The following RASSF8 variants were observed in gnomAD, a reference collection of about 807,000 sequenced individuals.
RASSF8 encodes the protein ras association domain-containing protein 8.
Under a neutral mutation model 48.5 loss-of-function variants are expected in RASSF8, and 22 were observed. That is an observed-to-expected ratio of 0.45 (90% CI 0.32 to 0.65). The LOEUF (loss-of-function observed/expected upper bound fraction) is 0.65. RASSF8 is among the 30% of genes least tolerant of loss of function. The pLI is 0.03. For missense variants in RASSF8, 418 were observed against 489.2 expected (o/e 0.85, Z 1.37); for synonymous variants, 127 against 171.5 (o/e 0.74, Z 2.03).
intron 2 of RASSF8, among the ~76,000 whole-genome samples, chr12:26,036,767 A>T (rs988708259): frequency 6.6e-6 from 1 of 152,020 alleles, no homozygotes; most frequent in Non-Finnish European, 1.5e-5. Flanking sequence ...AAATAAAAAA[A>T]TAAAAAATTA....
At chr12:26,008,497 C>A (rs1942446921) in intron 2 of RASSF8, among the ~76,000 whole-genome samples, 1 of 152,134 alleles carries the variant, frequency 6.6e-6, no homozygotes. Context: ...ATTTTTGGTA[C>A]AACAAATAAT....
At chr12:26,060,860 A>T (rs1423864330) in intron 3 of RASSF8, among the ~76,000 whole-genome samples, 1 of 152,228 alleles carries the variant, frequency 6.6e-6, no homozygotes, top group Non-Finnish European at 1.5e-5. Flanking sequence ...TATGTCCAGA[A>T]ACCTGAAGAT....
Position 26,072,665 on chromosome 12 carries a change from A to G in RASSF8, c.*3847A>G, listed in dbSNP as rs1019345763. ...CTGCAGCTTTAAACAGAAAATTGCC[A>G]TGTTCACTAATTGTGAGCACATAAA... On this transcript the variant is annotated 3_prime_UTR_variant, in exon 6 of 6. Coordinates refer to ENST00000689635, the MANE Select transcript of RASSF8 (RefSeq NM_001394098.1). 27 of 984,870 alleles carry G rather than the reference A, an allele frequency of 2.7e-5. No individual in the cohort carries two copies. The highest frequency in any genetic ancestry group is 3.5e-5 in the African/African-American group (2 of 57,214). 61.0% of individuals were successfully genotyped at this position (984,870 alleles called of 1,614,324 possible).
At chr12:26,011,241 A>G (rs1413685379) in intron 2 of RASSF8, among the ~76,000 whole-genome samples, 1 of 152,146 alleles carries the variant, frequency 6.6e-6, no homozygotes, top group Non-Finnish European at 1.5e-5. Flanking sequence ...CTGCCTAAGA[A>G]CTGAGTCAGT....
chr12:26,038,254 A>G (rs1465440489), intron 2 of RASSF8, among the ~76,000 whole-genome samples: 3 of 152,198 alleles, frequency 2.0e-5, no homozygotes, highest in Non-Finnish European at 4.4e-5. Context: ...CCCTTTGGAA[A>G]TAGAACTGAC....
intron 2 of RASSF8, among the ~76,000 whole-genome samples, chr12:26,036,494 C>A (rs2137134332): frequency 1.3e-5 from 2 of 152,112 alleles, no homozygotes; most frequent in South Asian, 4.1e-4. Context: ...GGAACAGTTT[C>A]ATTTTTTAAA....
intron 2 of RASSF8, among the ~76,000 whole-genome samples, chr12:26,040,059 C>G (rs1278165378): frequency 1.3e-5 from 2 of 152,148 alleles, no homozygotes; most frequent in East Asian, 3.8e-4. Flanking sequence ...ATTAATCTCT[C>G]AGCGCCATTT....
At chr12:26,004,666 T>G (rs1942343426) in intron 2 of RASSF8, among the ~76,000 whole-genome samples, 1 of 152,058 alleles carries the variant, frequency 6.6e-6, no homozygotes. Context: ...TACTATACAG[T>G]AAGTGGAAGT....
intron 2 of RASSF8, among the ~76,000 whole-genome samples, chr12:26,042,002 G>A (rs534362006): frequency 1.3e-5 from 2 of 152,332 alleles, no homozygotes; most frequent in East Asian, 3.8e-4. Flanking sequence ...AATTGCTGAT[G>A]ATTGTAAATG....
At chr12:26,034,205 A>G (rs1310631819) in intron 2 of RASSF8, among the ~76,000 whole-genome samples, 1 of 152,028 alleles carries the variant, frequency 6.6e-6, no homozygotes, top group African/African-American at 2.4e-5. Flanking sequence ...TAAGATAATC[A>G]CAGCATTAGC....
At chr12:26,059,592 CTCAT>C (rs1158621365) in intron 3 of RASSF8, among the ~76,000 whole-genome samples, 1 of 152,048 alleles carries the variant, frequency 6.6e-6, no homozygotes, top group African/African-American at 2.4e-5. Flanking sequence ...AGTTTTGAGT[CTCAT>C]TGTCTCATTT....
chr12:26,043,603 A>G (rs1266570693), intron 2 of RASSF8, among the ~76,000 whole-genome samples: 2 of 152,248 alleles, frequency 1.3e-5, no homozygotes, highest in Admixed American at 6.5e-5. Flanking sequence ...TGCAGCATGC[A>G]GCAGTTTTGT....
downstream of RASSF8, among the ~76,000 whole-genome samples, chr12:26,077,812 GT>G (rs2137358032): frequency 6.6e-6 from 1 of 152,280 alleles, no homozygotes; most frequent in Admixed American, 6.5e-5. Flanking sequence ...TTAAAATCCA[GT>G]TTTTCACATT....
chr12:26,058,221 G>T (rs1943653506), intron 3 of RASSF8, among the ~76,000 whole-genome samples: 1 of 152,174 alleles, frequency 6.6e-6, no homozygotes, highest in African/African-American at 2.4e-5. Context: ...AACTCTTTCT[G>T]TATCGTAAAT....
chr12:26,047,878 G>A (rs1024461428), intron 2 of RASSF8, among the ~76,000 whole-genome samples: 1 of 152,190 alleles, frequency 6.6e-6, no homozygotes, highest in African/African-American at 2.4e-5. Flanking sequence ...CACGCCTGGA[G>A]GCCACATGTA....
At chr12:25,978,675 T>G (rs1178748155) in intron 1 of RASSF8, among the ~76,000 whole-genome samples, 1 of 151,362 alleles carries the variant, frequency 6.6e-6, no homozygotes. Flanking sequence ...AATGTGTACA[T>G]GTAGGTTAAT....
At chr12:26,079,147 A>G in exon 6 of RASSF8, 1 of 1,033,754 alleles carries the variant, frequency 9.7e-7, no homozygotes, top group Non-Finnish European at 1.4e-6. Context: ...AAACTCCTGC[A>G]CAACAAAGGA....
chr12:26,073,730 A>ACTCACTCTCT, downstream of RASSF8, among the ~76,000 whole-genome samples: 1 of 138,158 alleles, frequency 7.2e-6, no homozygotes, highest in South Asian at 2.3e-4. Flanking sequence ...CAAAAGCGAG[A>ACTCACTCTCT]CTCTCTCTCT....
chr12:26,024,051 T>G (rs1942848735), intron 2 of RASSF8, among the ~76,000 whole-genome samples: 1 of 152,238 alleles, frequency 6.6e-6, no homozygotes, highest in South Asian at 2.1e-4. Flanking sequence ...GTGTAATGGC[T>G]TATTTTGGGG....
Sources: gnomAD v4.1 joint callset for allele counts (sites outside exome capture counted in the v4.1 genomes callset) on GRCh38, gnomAD v4.1.1 for gene constraint, MANE v1.5 for transcripts, NCBI Gene and HGNC (gene_info 2026-07-23, HGNC 2026-07-21) for gene names.